CPA4: variants seen among roughly 807,000 people sequenced by gnomAD.
CPA4 encodes carboxypeptidase A4, also known as carboxypeptidase A3.
Under a neutral mutation model 54.7 loss-of-function variants are expected in CPA4, and 49 were observed. The ratio of observed to expected loss-of-function variants is 0.90; its 90% CI spans 0.71 to 1.14. The LOEUF (loss-of-function observed/expected upper bound fraction) is 1.14, where lower values mean the gene tolerates loss of function less well. Among genes scored for constraint, CPA4 ranks in the 50% most tolerant of loss-of-function variants. The probability of loss-of-function intolerance (pLI) is 0.00; values close to 1 mark genes in which losing one functional copy is unlikely to be tolerated. For synonymous variants in CPA4, 215 were observed against 206.8 expected, an observed-to-expected ratio of 1.04 and a Z score of -0.34; for missense variants, 487 against 525.1, an observed-to-expected ratio of 0.93 and a Z score of 0.71.
rs1794112489 is a variant in CPA4 at position 130,321,970 on chromosome 7, T to C, written c.1079-519T>C. Among the ~76,000 whole-genome samples, 3 of 152,328 alleles carry C rather than the reference T, an allele frequency of 2.0e-5. No individual in the cohort carries two copies. In the South Asian group the frequency reaches 6.2e-4, roughly 32 times the overall value. On this transcript the variant is annotated intron_variant, in intron 10 of 10. Coordinates refer to ENST00000222482, the MANE Select transcript of CPA4 (RefSeq NM_016352.4). The stretch of plus-strand genomic sequence containing the variant: ...TCTGTAGAGGCCTGCTTGAATGTCC[T>C]TACACCATGACAGCTGGCTTATCCA...
intron 10 of CPA4, among the ~76,000 whole-genome samples, chr7:130,314,643 T>G (rs1306069455): frequency 6.6e-6 from 1 of 152,020 alleles, no homozygotes; most frequent in Admixed American, 6.6e-5. Context: ...GTTGTATTGG[T>G]GAGGTTGATG....
At chr7:130,322,386 C>T (rs56342876) in intron 10 of CPA4, 103 bp from the exon 11 acceptor site, 1 of 907,102 alleles carries the variant, frequency 1.1e-6, no homozygotes, top group East Asian at 2.4e-5. Flanking sequence ...GGAGCAAACT[C>T]TGGATTCCTT....
chr7:130,314,822 C>T (rs952400072), intron 10 of CPA4, among the ~76,000 whole-genome samples: 1 of 151,938 alleles, frequency 6.6e-6, no homozygotes, highest in African/African-American at 2.4e-5. Flanking sequence ...GGCTGTAATG[C>T]GGTTGGTTAG....
chr7:130,304,384 G>A, intron 4 of CPA4, 94 bp from the exon 5 acceptor site: 1 of 823,686 alleles, frequency 1.2e-6, no homozygotes, highest in South Asian at 1.3e-5. Flanking sequence ...GGTCCCGGAA[G>A]AGATAGTTAA....
intron 10 of CPA4, among the ~76,000 whole-genome samples, chr7:130,312,391 G>A (rs1169507535): frequency 1.3e-5 from 2 of 152,146 alleles, no homozygotes; most frequent in African/African-American, 4.8e-5. Flanking sequence ...TAGTGGAGTT[G>A]GGGGAGACTC....
intron 10 of CPA4, 130 bp from the exon 11 acceptor site, chr7:130,322,359 T>TC (rs1794122183): frequency 1.4e-6 from 1 of 698,430 alleles, no homozygotes; most frequent in Non-Finnish European, 2.5e-6. Flanking sequence ...GATTTTGTCA[T>TC]AGGACTGATG....
intron 1 of CPA4, among the ~76,000 whole-genome samples, chr7:130,297,024 C>G (rs1184084803): frequency 6.6e-6 from 1 of 151,956 alleles, no homozygotes; most frequent in African/African-American, 2.4e-5. Flanking sequence ...GTGATCATAG[C>G]TCACTGCAGC....
At chr7:130,308,082 T>A (rs1468961624) in intron 7 of CPA4, 1 of 569,262 alleles carries the variant, frequency 1.8e-6, no homozygotes, top group African/African-American at 1.9e-5. Flanking sequence ...CATATAAAGG[T>A]CTCATCAGTA....
intron 7 of CPA4, among the ~76,000 whole-genome samples, chr7:130,307,337 A>C (rs1793837893): frequency 6.6e-6 from 1 of 152,202 alleles, no homozygotes; most frequent in Admixed American, 6.5e-5. Context: ...ATTACCTTAA[A>C]AATGGAGGCC....
chr7:130,322,804 C>T lies in CPA4; in HGVS notation c.*128C>T. On this transcript the variant is annotated 3_prime_UTR_variant, in exon 11 of 11. Coordinates refer to ENST00000222482, the MANE Select transcript of CPA4 (RefSeq NM_016352.4). ...GGGTTTGTGGAGCACACAGGCCTGC[C>T]CCTCTCCAGCCAGCTCCCTGGAGTC... is the stretch of plus-strand genomic sequence containing the variant. 1.2e-6 allele frequency: 1 copy of T among 839,810 alleles called. No homozygotes were observed. 52.0% of individuals were successfully genotyped at this position (839,810 alleles called of 1,614,324 possible).
At chr7:130,298,894 T>C in intron 2 of CPA4, 67 bp downstream of exon 2, 1 of 909,062 alleles carries the variant, frequency 1.1e-6, no homozygotes, top group Non-Finnish European at 1.8e-6. Context: ...CTTGCTCTAC[T>C]GGCATTATTA....
chr7:130,310,992 T>G lies in CPA4; in HGVS notation c.993+6T>G. The G allele has an allele frequency of 6.2e-7, 1 of 1,612,514 alleles. No individual in the cohort carries two copies. Among genetic ancestry groups the G allele is most frequent in the Non-Finnish European group, 8.5e-7 (1 of 1,179,456 alleles). On this transcript the variant is annotated splice_donor_region_variant and intron_variant, in intron 9 of 10. Coordinates refer to ENST00000222482, the MANE Select transcript of CPA4 (RefSeq NM_016352.4). The surrounding 1 kb of genome is among the most constrained non-coding windows in gnomAD (Gnocchi z 4.3). ...CCCCAGATGCCGAGGAACTCGTGAG[T>G]CACAGCTGCCTCCCACCCAGCCTGG... is the stretch of plus-strand genomic sequence containing the variant.
chr7:130,293,246 T>C lies in CPA4; in HGVS notation c.66T>C (p.Phe22=). 1.3e-6 allele frequency: 2 copies of C among 1,590,882 alleles called. No individual in the cohort carries two copies. Among genetic ancestry groups the C allele is most frequent in the Non-Finnish European group, 8.6e-7 (1 of 1,159,108 alleles). The change falls in exon 1 of 11, where the codon TTT becomes TTC. Residue 22 remains phenylalanine, a splice_region_variant and synonymous_variant. Coordinates refer to ENST00000222482, the MANE Select transcript of CPA4 (RefSeq NM_016352.4). ...GCATCTGTGGCCAAGAAAAATTTTT[T>C]GGGTAAGTTCCTTTTGGACTTATTA... The part of the protein sequence containing the change: ...GSSICGQEKF[F]GDQVLRINVR...
Position 130,312,047 on chromosome 7 carries a change from G to A in CPA4, c.1003G>A (p.Ala335Thr). The change falls in exon 10 of 11, where the codon GCG becomes ACG. Residue 335 changes from alanine to threonine, a missense_variant. Coordinates refer to ENST00000222482, the MANE Select transcript of CPA4 (RefSeq NM_016352.4). Reference protein sequence around the residue: ...APDAEELDKVARLAAKALASV... With the variant: ...APDAEELDKVTRLAAKALASV... Reference sequence around the variant, plus strand: ...GATTCCCCCTTCCCAGGACAAGGTGGCGAGGCTTGCGGCCAAAGCTCTGGC... The same window carrying A: ...GATTCCCCCTTCCCAGGACAAGGTGACGAGGCTTGCGGCCAAAGCTCTGGC... 6.2e-7 allele frequency: 1 copy of A among 1,614,102 alleles called. No homozygotes were observed. Among genetic ancestry groups the A allele is most frequent in the Non-Finnish European group, 8.5e-7 (1 of 1,179,938 alleles).
rs1418149236 is a variant in CPA4, at chr7:130,306,819, C to A, written c.624C>A (p.Ile208=). 1 of 1,609,330 alleles carries A rather than the reference C, an allele frequency of 6.2e-7. No individual in the cohort carries two copies. Among genetic ancestry groups the A allele is most frequent in the African/African-American group, 1.3e-5 (1 of 74,824 alleles). Residue 208 remains isoleucine, a synonymous_variant, in exon 7 of 11, where the codon ATC becomes ATA. Transcript: ENST00000222482. ...CTGATTACCAGAGGGATCCAGCTAT[C>A]ACCTCCATCTTGGAGAAAATGGATA... ...IVSDYQRDPA[I]TSILEKMDIF...
At chr7:130,321,287 C>T (rs1033558382) in intron 10 of CPA4, among the ~76,000 whole-genome samples, 2 of 152,156 alleles carry the variant, frequency 1.3e-5, no homozygotes, top group African/African-American at 2.4e-5. Flanking sequence ...AAAAATGGAC[C>T]TCTTGCCCTT....
At chr7:130,308,894 CT>C in intron 8 of CPA4, among the ~76,000 whole-genome samples, 1 of 146,734 alleles carries the variant, frequency 6.8e-6, no homozygotes, top group East Asian at 1.9e-4. Context: ...ATCGCCCAGG[CT>C]GGAGTGCAGT....
At chr7:130,300,037 T>C (rs1050343804) in intron 3 of CPA4, among the ~76,000 whole-genome samples, 2 of 152,322 alleles carry the variant, frequency 1.3e-5, no homozygotes, top group African/African-American at 4.8e-5. Context: ...AGGTGGGTTA[T>C]GGACTAATTG....
chr7:130,299,106 C>T (rs1001217564), intron 2 of CPA4, among the ~76,000 whole-genome samples, 164 bp from the exon 3 acceptor site: 4 of 152,252 alleles, frequency 2.6e-5, no homozygotes, highest in African/African-American at 9.6e-5. Context: ...GCTTGTTGGG[C>T]AGGTCCAACC....
Sources: gnomAD v4.1 joint callset for allele counts (sites outside exome capture counted in the v4.1 genomes callset) on GRCh38, gnomAD v4.1.1 for gene constraint, Gnocchi (gnomAD v3.1) non-coding constraint, MANE v1.5 for transcripts, NCBI Gene and HGNC (gene_info 2026-07-23, HGNC 2026-07-21) for gene names.